The following BAZ2B variants were observed in gnomAD, a reference collection of about 807,000 sequenced individuals.
BAZ2B encodes bromodomain adjacent to zinc finger domain protein 2B.
BAZ2B carries 91 observed loss-of-function variants against 246.0 expected under a neutral mutation model. That is an observed-to-expected ratio of 0.37 (90% CI 0.31 to 0.44). BAZ2B has a LOEUF of 0.44. Among genes scored for constraint, BAZ2B ranks in the 20% least tolerant of loss-of-function variants. BAZ2B has a pLI of 1.00. For synonymous variants in BAZ2B, 855 were observed against 860.0 expected (o/e 0.99, Z 0.10); for missense variants, 2,332 against 2,533.7 (o/e 0.92, Z 1.71).
chr2:159,440,339 G>T (rs10200362), intron 6 of BAZ2B, among the ~76,000 whole-genome samples: 5 of 151,836 alleles, frequency 3.3e-5, no homozygotes, highest in Non-Finnish European at 7.4e-5. Context: ...ATGACTACTC[G>T]GGATTGGGGA....
At chr2:159,675,692 T>A in the BAZ2B span, among the ~76,000 whole-genome samples, 1 of 152,226 alleles carries the variant, frequency 6.6e-6, no homozygotes, top group Non-Finnish European at 1.5e-5. Context: ...ATCATCTCTT[T>A]AAAGAATATA....
chr2:159,554,090 T>C (rs2088734310), intron 2 of BAZ2B, among the ~76,000 whole-genome samples: 1 of 152,214 alleles, frequency 6.6e-6, no homozygotes, highest in African/African-American at 2.4e-5. Flanking sequence ...CAGTCACTTA[T>C]GAACCTCTCA....
intron 2 of BAZ2B, among the ~76,000 whole-genome samples, chr2:159,542,741 TTAAAAATA>T (rs1384036787): frequency 4.6e-5 from 7 of 152,052 alleles, no homozygotes; most frequent in African/African-American, 1.4e-4. Context: ...TCTGAAGTGC[TTAAAAATA>T]AAAAAATCCA....
chr2:159,476,729 G>A (rs2078606956), intron 3 of BAZ2B, among the ~76,000 whole-genome samples: 1 of 152,160 alleles, frequency 6.6e-6, no homozygotes, highest in East Asian at 1.9e-4. Context: ...TAAGACAGCA[G>A]ATTAGAATAC....
intron 3 of BAZ2B, chr2:159,460,634 G>A (rs1451979470): frequency 6.6e-6 from 1 of 152,014 alleles, no homozygotes; most frequent in African/African-American, 2.4e-5. Flanking sequence ...AAATAAAGTT[G>A]TTATGAGGAC....
intron 1 of BAZ2B, among the ~76,000 whole-genome samples, chr2:159,565,342 C>T (rs1387476065): frequency 1.8e-4 from 27 of 152,092 alleles, no homozygotes; most frequent in Admixed American, 1.8e-3. Context: ...TGGTACTATA[C>T]CTAGAGGGGG....
At chr2:159,605,654 G>A (rs529465159) in intron 1 of BAZ2B, among the ~76,000 whole-genome samples, 9 of 151,756 alleles carry the variant, frequency 5.9e-5, no homozygotes, top group African/African-American at 2.2e-4. Context: ...CTACTCAGGA[G>A]GCTAAGATGG....
chr2:159,447,394 C>CA (rs943379185), intron 5 of BAZ2B, among the ~76,000 whole-genome samples: 1 of 152,076 alleles, frequency 6.6e-6, no homozygotes. Flanking sequence ...TAATGAAATG[C>CA]AAAACTTTGT....
At position 159,395,842 on chromosome 2, in the gene BAZ2B, G is replaced by A. The variant is rs528784824; in HGVS notation, c.3010-8C>T. ...TCGCCTTCGCTCTCGTTCCTATTAGGCCAGATAAAATGTGGAAAATAACTC... is the reference window on the plus strand; with the variant it reads ...TCGCCTTCGCTCTCGTTCCTATTAGACCAGATAAAATGTGGAAAATAACTC... On this transcript the variant is annotated splice_polypyrimidine_tract_variant and splice_region_variant and intron_variant, in intron 19 of 36. Transcript: ENST00000392783. 6.3e-7 allele frequency: 1 copy of A among 1,599,686 alleles called. No individual in the cohort carries two copies. Among genetic ancestry groups the A allele is most frequent in the African/African-American group, 1.3e-5 (1 of 74,210 alleles).
At chr2:159,385,984 TCA>T (rs1195353940) in intron 22 of BAZ2B, among the ~76,000 whole-genome samples, 10 of 152,166 alleles carry the variant, frequency 6.6e-5, no homozygotes, top group African/African-American at 2.2e-4. Flanking sequence ...TTGATTAGCT[TCA>T]GTTATTCACA....
chr2:159,395,584 G>A (rs1576500590), intron 20 of BAZ2B, 185 bp downstream of exon 20: 1 of 459,194 alleles, frequency 2.2e-6, no homozygotes, highest in East Asian at 3.6e-5. Context: ...CACATACATT[G>A]GAACTCTTCC....
At chr2:159,609,289 T>C (rs1339790764) in intron 1 of BAZ2B, among the ~76,000 whole-genome samples, 1 of 152,196 alleles carries the variant, frequency 6.6e-6, no homozygotes, top group African/African-American at 2.4e-5. Context: ...TTATTAGATT[T>C]CTTCTAAAAA....
At chr2:159,473,707 A>C (rs543637194) in intron 3 of BAZ2B, among the ~76,000 whole-genome samples, 1 of 152,276 alleles carries the variant, frequency 6.6e-6, no homozygotes, top group African/African-American at 2.4e-5. Context: ...TAGTGCTATA[A>C]ATTTCCCTCT....
upstream of BAZ2B, among the ~76,000 whole-genome samples, chr2:159,618,528 A>C (rs538175328): frequency 1.3e-5 from 2 of 152,276 alleles, no homozygotes; most frequent in Admixed American, 1.3e-4. Context: ...GTATGAATGC[A>C]CTTAGTATCT....
intron 2 of BAZ2B, among the ~76,000 whole-genome samples, chr2:159,533,289 AAAG>A (rs1578151201): frequency 6.6e-6 from 1 of 152,200 alleles, no homozygotes; most frequent in East Asian, 1.9e-4. Context: ...AACAATACGG[AAAG>A]AAGAATAGAA....
intron 2 of BAZ2B, among the ~76,000 whole-genome samples, chr2:159,509,389 T>C (rs1256688960): frequency 6.6e-6 from 1 of 152,090 alleles, no homozygotes; most frequent in African/African-American, 2.4e-5. Context: ...ATTACAAAAC[T>C]GGGGTTACAT....
At chr2:159,364,151 G>T (rs2059987627) in intron 27 of BAZ2B, among the ~76,000 whole-genome samples, 1 of 152,100 alleles carries the variant, frequency 6.6e-6, no homozygotes, top group South Asian at 2.1e-4. Flanking sequence ...TACCCCAGAT[G>T]ATTATGCTGG....
chr2:159,350,468 T>A, intron 27 of BAZ2B, 111 bp from the exon 28 acceptor site: 1 of 1,053,168 alleles, frequency 9.5e-7, no homozygotes, highest in Non-Finnish European at 1.3e-6. Flanking sequence ...TAAACTTTTC[T>A]GTATTACCTA....
chr2:159,501,537 A>G, intron 2 of BAZ2B, among the ~76,000 whole-genome samples: 1 of 151,902 alleles, frequency 6.6e-6, no homozygotes, highest in African/African-American at 2.4e-5. Context: ...ACAAAGTACA[A>G]ACTCAGTAAT....
Sources: gnomAD v4.1 joint callset for allele counts (sites outside exome capture counted in the v4.1 genomes callset) on GRCh38, gnomAD v4.1.1 for gene constraint, MANE v1.5 for transcripts, NCBI Gene and HGNC (gene_info 2026-07-23, HGNC 2026-07-21) for gene names.